DPYSL5: variants seen among roughly 807,000 people sequenced by gnomAD.
DPYSL5 encodes the protein dihydropyrimidinase like 5.
A neutral mutation model predicts 58.4 loss-of-function variants in DPYSL5; 9 were observed. The observed-to-expected ratio is 0.15, with a 90% CI of 0.09 to 0.27. The LOEUF (loss-of-function observed/expected upper bound fraction) is 0.27. Among genes scored for constraint, DPYSL5 ranks in the 10% least tolerant of loss-of-function variants. The pLI, the probability that DPYSL5 is intolerant of heterozygous loss-of-function variation, is 1.00. For missense variants in DPYSL5, 499 were observed against 770.6 expected (o/e 0.65, Z 4.17); for synonymous variants, 293 against 301.9 (o/e 0.97, Z 0.31).
intron 6 of DPYSL5, 100 bp downstream of exon 6, chr2:26,931,784 G>C: frequency 7.8e-7 from 1 of 1,275,340 alleles, no homozygotes; most frequent in Non-Finnish European, 1.1e-6. Context: ...GAGGTGCGTG[G>C]ATCACCTGAG....
At position 26,925,257 on chromosome 2, in the gene DPYSL5, C is replaced by G. The variant is rs140389648; in HGVS notation, c.420+212C>G. ...TTAATGAGCCATTTTCCGGCAGGCA[C>G]AGAGAGGCCAAGGCCAGAGCCCAGG... On this transcript the variant is annotated intron_variant, in intron 3 of 12. Coordinates refer to ENST00000288699, the MANE Select transcript of DPYSL5 (RefSeq NM_020134.4). The surrounding 1 kb of genome is among the most constrained non-coding windows in gnomAD (Gnocchi z 4.5). Among the ~76,000 whole-genome samples the G allele has an allele frequency of 9.8e-5, 15 of 152,290 alleles. No homozygotes were observed. In the East Asian group the frequency reaches 2.9e-3, roughly 29 times the overall value.
chr2:26,928,379 C>T, intron 5 of DPYSL5, 56 bp downstream of exon 5: 7 of 1,576,980 alleles, frequency 4.4e-6, no homozygotes, highest in Non-Finnish European at 6.1e-6. Context: ...TTGACAGAAT[C>T]TTCCAGGATG....
chr2:26,898,835 A>G lies in DPYSL5; in HGVS notation c.261+75A>G. ...TGCTTCTAGGGCTGCTCCAGACTAG[A>G]CTCATGTGAGCCAGGTGCTCCCAGT... is the stretch of plus-strand genomic sequence containing the variant. On this transcript the variant is annotated intron_variant, in intron 2 of 12. Coordinates refer to ENST00000288699, the MANE Select transcript of DPYSL5 (RefSeq NM_020134.4). The surrounding 1 kb of genome is among the most constrained non-coding windows in gnomAD (Gnocchi z 6.1). 6.6e-7 allele frequency: 1 copy of G among 1,519,878 alleles called. No individual in the cohort carries two copies. The highest frequency in any genetic ancestry group is 8.8e-7 in the Non-Finnish European group (1 of 1,130,016). 94.1% of individuals were successfully genotyped at this position (1,519,878 alleles called of 1,614,324 possible). A position where few individuals can be genotyped will look rare whatever the true frequency, so the allele number is the denominator to read the frequency against.
intron 2 of DPYSL5, among the ~76,000 whole-genome samples, chr2:26,914,109 G>T (rs553781993): frequency 1.4e-4 from 22 of 152,298 alleles, no homozygotes; most frequent in African/African-American, 5.1e-4. Flanking sequence ...GCATCAGACC[G>T]GTTTCCAGTA....
At chr2:26,936,893 C>G (rs2148171134) in intron 8 of DPYSL5, among the ~76,000 whole-genome samples, 1 of 141,100 alleles carries the variant, frequency 7.1e-6, no homozygotes, top group East Asian at 2.2e-4. Context: ...TTGCAGTGAG[C>G]TGAGATCGCA....
At chr2:26,938,128 C>T (rs1292925697) in intron 8 of DPYSL5, among the ~76,000 whole-genome samples, 3 of 152,152 alleles carry the variant, frequency 2.0e-5, no homozygotes, top group Non-Finnish European at 4.4e-5. Flanking sequence ...TTCCTACCTC[C>T]CAGATTCAGG....
At chr2:26,940,665 T>C (rs1005174876) in intron 9 of DPYSL5, among the ~76,000 whole-genome samples, 3 of 151,830 alleles carry the variant, frequency 2.0e-5, no homozygotes, top group Non-Finnish European at 4.4e-5. Context: ...ATTTTTTTCT[T>C]TTACCAACTG....
At chr2:26,894,002 ATTATTATTATAAATCC>A (rs971535611) in intron 1 of DPYSL5, among the ~76,000 whole-genome samples, 14 of 150,564 alleles carry the variant, frequency 9.3e-5, no homozygotes, top group Admixed American at 9.3e-4. Context: ...GCATATCCTT[ATTATTATTATAAATCC>A]TTATTAGAAT....
intron 1 of DPYSL5, among the ~76,000 whole-genome samples, chr2:26,850,193 A>T (rs1665715919): frequency 6.6e-6 from 1 of 152,176 alleles, no homozygotes; most frequent in Non-Finnish European, 1.5e-5. Flanking sequence ...CTAGGGGTCC[A>T]GTGCTTTTCT....
At chr2:26,873,815 C>G (rs1166221205) in intron 1 of DPYSL5, among the ~76,000 whole-genome samples, 1 of 152,198 alleles carries the variant, frequency 6.6e-6, no homozygotes, top group Non-Finnish European at 1.5e-5. Context: ...CTTCTTTACT[C>G]GGTCTACTGA....
rs1239347246 is a variant in DPYSL5, at chr2:26,924,374, CA to C, written c.262-509del. Among the ~76,000 whole-genome samples, 2 of 152,118 alleles carry C rather than the reference CA, an allele frequency of 1.3e-5. No individual in the cohort carries two copies. The highest frequency in any genetic ancestry group is 6.5e-5 in the Admixed American group (1 of 15,270). On this transcript the variant is annotated intron_variant, in intron 2 of 12. Transcript: ENST00000288699. This position sits in a 1 kb window ranked among gnomAD's most constrained non-coding sequence, Gnocchi z 4.7. ...CTTCATGAAATTTGAGAGCATAAAACAAAACAATATATCCAAATTAACATTT... is the reference window on the plus strand; with the variant it reads ...CTTCATGAAATTTGAGAGCATAAAACAAACAATATATCCAAATTAACATTT...
At chr2:26,904,004 C>G (rs1664226222) in intron 2 of DPYSL5, among the ~76,000 whole-genome samples, 1 of 152,244 alleles carries the variant, frequency 6.6e-6, no homozygotes, top group African/African-American at 2.4e-5. Context: ...GACAGCTTCC[C>G]ACCAACTCAA....
chr2:26,920,189 A>G (rs1664669691), intron 2 of DPYSL5, among the ~76,000 whole-genome samples: 1 of 151,590 alleles, frequency 6.6e-6, no homozygotes, highest in African/African-American at 2.4e-5. Flanking sequence ...CTTTTTTTTT[A>G]AAAAAAAGCA....
chr2:26,872,374 C>G lies in DPYSL5; in HGVS notation c.-5+24120C>G, dbSNP rs373913875. On this transcript the variant is annotated intron_variant, in intron 1 of 12. Transcript: ENST00000288699. ...GGACTCTGTCATTCCACAGAACACT[C>G]CACAGAAGTGTCATCACTAAGTAAA... 8.5e-5 allele frequency among the ~76,000 whole-genome samples: 13 copies of G among 152,292 alleles called. No homozygotes were observed. In the East Asian group the frequency reaches 2.5e-3, roughly 29 times the overall value.
intron 2 of DPYSL5, among the ~76,000 whole-genome samples, chr2:26,918,255 A>G (rs1384769099): frequency 6.7e-6 from 1 of 148,342 alleles, no homozygotes; most frequent in African/African-American, 2.5e-5. Context: ...TGGGCTTGTG[A>G]TTTGAATGGG....
intron 2 of DPYSL5, among the ~76,000 whole-genome samples, chr2:26,910,799 T>C (rs1664419999): frequency 6.6e-6 from 1 of 151,898 alleles, no homozygotes; most frequent in Non-Finnish European, 1.5e-5. Flanking sequence ...TTATTAGATA[T>C]ATGTTTTGCA....
intron 8 of DPYSL5, among the ~76,000 whole-genome samples, chr2:26,936,307 C>T (rs1470219807): frequency 6.6e-6 from 1 of 152,152 alleles, no homozygotes; most frequent in East Asian, 1.9e-4. Context: ...AGATGGCTGT[C>T]TTAGATAATA....
intron 2 of DPYSL5, among the ~76,000 whole-genome samples, chr2:26,917,958 A>G (rs1338312545): frequency 6.6e-6 from 1 of 151,996 alleles, no homozygotes; most frequent in Non-Finnish European, 1.5e-5. Context: ...CAACATGGTG[A>G]AATCCCGTCT....
At chr2:26,946,868 G>GCA in intron 12 of DPYSL5, 42 bp from the exon 13 acceptor site, 3 of 1,543,048 alleles carry the variant, frequency 1.9e-6, no homozygotes, top group Non-Finnish European at 9.0e-7. Flanking sequence ...TTGTTAGCAG[G>GCA]CACAAGAGCC....
Sources: allele counts gnomAD v4.1 joint callset (sites outside exome capture counted in the v4.1 genomes callset), GRCh38; gene constraint gnomAD v4.1.1; non-coding constraint Gnocchi (gnomAD v3.1); transcripts MANE v1.5; gene names NCBI Gene and HGNC (gene_info 2026-07-23, HGNC 2026-07-21).